The following ANKRD44 variants were observed in gnomAD, a reference collection of about 807,000 sequenced individuals.
ANKRD44 encodes the protein serine/threonine-protein phosphatase 6 regulatory ankyrin repeat subunit B.
In ANKRD44, 35 loss-of-function variants were observed where a neutral mutation model predicts 116.0. The observed-to-expected ratio is 0.30, with a 90% confidence interval of 0.23 to 0.40. The LOEUF is 0.40. Ranked by LOEUF, ANKRD44 falls within the 10% of genes least tolerant of loss-of-function variation. The pLI, the probability that ANKRD44 is intolerant of heterozygous loss-of-function variation, is 1.00. For missense variants in ANKRD44, 1,014 were observed against 1,242.6 expected (o/e 0.82, Z 2.77); for synonymous variants, 435 against 461.8 (o/e 0.94, Z 0.74).
At chr2:197,301,428 AACTGAGAATTACCTACG>A (rs1474547087) in intron 1 of ANKRD44, 4 of 152,326 alleles carry the variant, frequency 2.6e-5, no homozygotes, top group Admixed American at 6.5e-5. Context: ...AAAGAAATGG[AACTGAGAATTACCTACG>A]ACTGAGAATT....
chr2:197,267,784 G>A (rs1462534387), intron 1 of ANKRD44, among the ~76,000 whole-genome samples: 1 of 152,162 alleles, frequency 6.6e-6, no homozygotes, highest in Non-Finnish European at 1.5e-5. Flanking sequence ...CTGTCTCTCC[G>A]TGCTGACTGT....
At chr2:197,211,171 G>A (rs1208229694) in intron 1 of ANKRD44, among the ~76,000 whole-genome samples, 1 of 152,186 alleles carries the variant, frequency 6.6e-6, no homozygotes. Flanking sequence ...CCTTTGGGCA[G>A]ATCCAAGGAC....
At chr2:197,062,687 A>G (rs4410311) in intron 16 of ANKRD44, among the ~76,000 whole-genome samples, 109,661 of 152,214 alleles carry the variant, frequency 0.72, 40,924 homozygotes, top group East Asian at 0.86. Flanking sequence ...CACCTGGCTC[A>G]GAAGACCCCA....
chr2:197,064,897 G>A (rs2077397368), intron 16 of ANKRD44, among the ~76,000 whole-genome samples: 4 of 152,096 alleles, frequency 2.6e-5, no homozygotes, highest in African/African-American at 2.4e-5. Flanking sequence ...AGATCAACGA[G>A]ACAGAAAGTT....
At chr2:197,136,457 C>T in intron 4 of ANKRD44, 135 bp downstream of exon 4, 1 of 747,712 alleles carries the variant, frequency 1.3e-6, no homozygotes, top group Non-Finnish European at 2.3e-6. Flanking sequence ...CAAATAAAAG[C>T]TGTTCATTTT....
chr2:196,980,010 T>C (rs528362301), intron 21 of ANKRD44, among the ~76,000 whole-genome samples: 1 of 152,346 alleles, frequency 6.6e-6, no homozygotes, highest in South Asian at 2.1e-4. Context: ...TAATATACAC[T>C]AGAAAATATG....
intron 3 of ANKRD44, among the ~76,000 whole-genome samples, chr2:197,140,293 A>G (rs2079329644): frequency 6.6e-6 from 1 of 151,978 alleles, no homozygotes; most frequent in Admixed American, 6.6e-5. Flanking sequence ...CATCCTCATC[A>G]ACACTTGATG....
In ANKRD44 at chr2:196,987,476, C is replaced by T; in HGVS notation, c.*2115G>A. 1.0e-6 allele frequency: 1 copy of T among 985,348 alleles called. No homozygotes were observed. The highest frequency in any genetic ancestry group is 1.2e-6 in the Non-Finnish European group (1 of 829,868). The allele number at this position is 985,348 out of a possible 1,614,324, so 61.0% of individuals were successfully genotyped here. On this transcript the variant is annotated 3_prime_UTR_variant, in exon 28 of 28. Transcript: ENST00000282272. ...TAAAACGGATGAGTTCTTCAACCAACACAACATATAAGCACACCAAGTTGC... is the reference window on the plus strand; with the variant it reads ...TAAAACGGATGAGTTCTTCAACCAATACAACATATAAGCACACCAAGTTGC...
At chr2:196,972,309 T>C (rs2075721405) in intron 21 of ANKRD44, among the ~76,000 whole-genome samples, 1 of 152,194 alleles carries the variant, frequency 6.6e-6, no homozygotes, top group Non-Finnish European at 1.5e-5. Context: ...GTTCAAGCAA[T>C]TCGCATGCCT....
At chr2:196,994,547 T>C (rs896997768) in intron 26 of ANKRD44, 9 of 151,876 alleles carry the variant, frequency 5.9e-5, no homozygotes, top group African/African-American at 2.2e-4. Context: ...GTCTCGCTCT[T>C]GTTGCCCAGG....
At chr2:196,974,553 G>T (rs1367570323) in intron 21 of ANKRD44, among the ~76,000 whole-genome samples, 2 of 151,998 alleles carry the variant, frequency 1.3e-5, no homozygotes, top group Non-Finnish European at 2.9e-5. Flanking sequence ...TATTTAAAAA[G>T]AATATTTTAT....
chr2:197,128,865 T>C (rs757241009), intron 4 of ANKRD44, among the ~76,000 whole-genome samples: 5 of 152,176 alleles, frequency 3.3e-5, no homozygotes, highest in Non-Finnish European at 7.3e-5. Context: ...TAAAAATAGT[T>C]ATTATTTCAA....
intron 17 of ANKRD44, among the ~76,000 whole-genome samples, chr2:197,021,131 C>G (rs1325003125): frequency 1.3e-5 from 2 of 152,162 alleles, no homozygotes; most frequent in South Asian, 4.1e-4. Context: ...ATGAACTCAT[C>G]CTTTTTTATG....
chr2:197,200,821 T>A (rs2081077296), intron 1 of ANKRD44, among the ~76,000 whole-genome samples: 1 of 152,248 alleles, frequency 6.6e-6, no homozygotes, highest in South Asian at 2.1e-4. Flanking sequence ...AAAACTTTGT[T>A]AAAATGTTTA....
chr2:197,188,847 G>A (rs796717499), intron 1 of ANKRD44, among the ~76,000 whole-genome samples: 8 of 151,988 alleles, frequency 5.3e-5, no homozygotes, highest in South Asian at 4.2e-4. Context: ...AAGAATCACC[G>A]GAGATGCCTA....
Position 197,273,584 on chromosome 2 carries a change from C to T in ANKRD44, c.27+36994G>A, listed in dbSNP as rs372458933. Among the ~76,000 whole-genome samples the T allele has an allele frequency of 2.9e-3, 441 of 152,272 alleles. 3 individuals are homozygous for T. Among genetic ancestry groups the T allele is most frequent in the African/African-American group, 0.01 (421 of 41,546 alleles). On this transcript the variant is annotated intron_variant, in intron 1 of 27. Coordinates refer to ENST00000282272, the MANE Select transcript of ANKRD44 (RefSeq NM_001195144.2). ...TTCAATAGGCCACTGAGAGCCTAAG[C>T]TGAAGCTGCCCAGGAAAAAGAGAGG...
rs774782922 is a variant in ANKRD44, at chr2:197,090,009, G to C, written c.1124C>G (p.Pro375Arg). 6.2e-7 allele frequency: 1 copy of C among 1,614,064 alleles called. No individual in the cohort carries two copies. The highest frequency in any genetic ancestry group is 8.5e-7 in the Non-Finnish European group (1 of 1,179,954). The change falls in exon 11 of 28, where the codon CCT becomes CGT. Residue 375 changes from proline to arginine, a missense_variant. Transcript: ENST00000282272. ...AGCATTTAGGGCAGCTAAATGTAAA[G>C]GGAACATGCTATGGATTCCACACCT... ...TAKCGIHSMF[P>R]LHLAALNAHS...
chr2:197,267,322 A>T (rs1369524575), intron 1 of ANKRD44, among the ~76,000 whole-genome samples: 2 of 152,204 alleles, frequency 1.3e-5, no homozygotes, highest in Non-Finnish European at 2.9e-5. Context: ...TTATGCATTT[A>T]TCATTTTTCC....
chr2:197,082,933 T>C (rs1000880977), intron 14 of ANKRD44, among the ~76,000 whole-genome samples: 2 of 152,194 alleles, frequency 1.3e-5, no homozygotes, highest in African/African-American at 4.8e-5. Flanking sequence ...TTTGGAGCAA[T>C]GGTGCCTAGT....
Sources: gnomAD v4.1 joint callset for allele counts (sites outside exome capture counted in the v4.1 genomes callset) on GRCh38, gnomAD v4.1.1 for gene constraint, MANE v1.5 for transcripts, NCBI Gene and HGNC (gene_info 2026-07-23, HGNC 2026-07-21) for gene names.